The following PLCB1 variants were observed in gnomAD, a reference collection of about 807,000 sequenced individuals.
PLCB1 encodes the protein 1-phosphatidylinositol 4,5-bisphosphate phosphodiesterase beta-1.
PLCB1 carries 46 observed loss-of-function variants against 161.8 expected under a neutral mutation model. That is an observed-to-expected ratio of 0.28 (90% CI 0.22 to 0.36). The LOEUF is 0.36. Among genes scored for constraint, PLCB1 ranks in the 10% least tolerant of loss-of-function variants. The probability of loss-of-function intolerance (pLI) is 1.00; values close to 1 mark genes in which losing one functional copy is unlikely to be tolerated. For synonymous variants in PLCB1, 517 were observed against 503.7 expected, an observed-to-expected ratio of 1.03 and a Z score of -0.35; for missense variants, 1,016 against 1,472.5, an observed-to-expected ratio of 0.69 and a Z score of 5.07.
At chr20:8,587,762 T>G (rs561247389) in intron 3 of PLCB1, among the ~76,000 whole-genome samples, 1 of 152,186 alleles carries the variant, frequency 6.6e-6, no homozygotes, top group East Asian at 1.9e-4. Context: ...TATAGCATAT[T>G]AAGTAAATCC....
At chr20:8,610,328 A>G (rs1987871234) in intron 3 of PLCB1, among the ~76,000 whole-genome samples, 1 of 151,142 alleles carries the variant, frequency 6.6e-6, no homozygotes, top group African/African-American at 2.5e-5. Flanking sequence ...ATTGCTGTTA[A>G]TTGTCAAATA....
chr20:8,511,368 TTAAC>T (rs1236305563), intron 3 of PLCB1, among the ~76,000 whole-genome samples: 4 of 152,190 alleles, frequency 2.6e-5, no homozygotes, highest in Non-Finnish European at 5.9e-5. Flanking sequence ...TATCCATTCA[TTAAC>T]TGATGAATGG....
chr20:8,151,087 C>A (rs1156979396), intron 2 of PLCB1, among the ~76,000 whole-genome samples: 1 of 152,072 alleles, frequency 6.6e-6, no homozygotes, highest in East Asian at 1.9e-4. Flanking sequence ...AGCATCGTTG[C>A]CACAGTCCTA....
chr20:8,308,056 AC>A (rs2123331923), intron 2 of PLCB1, among the ~76,000 whole-genome samples: 1 of 152,182 alleles, frequency 6.6e-6, no homozygotes, highest in South Asian at 2.1e-4. Flanking sequence ...TGAACTTTTT[AC>A]TTGAGTCAAA....
intron 27 of PLCB1, among the ~76,000 whole-genome samples, chr20:8,777,571 T>C (rs764196310): frequency 2.0e-5 from 3 of 151,788 alleles, no homozygotes; most frequent in Non-Finnish European, 2.9e-5. Flanking sequence ...ATACAAAAAT[T>C]AGCCAGGCAT....
intron 3 of PLCB1, among the ~76,000 whole-genome samples, chr20:8,564,916 G>A (rs1424419281): frequency 1.3e-5 from 2 of 152,158 alleles, no homozygotes; most frequent in African/African-American, 2.4e-5. Flanking sequence ...AACCATTGTG[G>A]AAGACAGTGT....
At chr20:8,656,155 G>C (rs144262904) in intron 7 of PLCB1, among the ~76,000 whole-genome samples, 8 of 151,996 alleles carry the variant, frequency 5.3e-5, no homozygotes, top group African/African-American at 9.6e-5. Context: ...TGTATTGTTC[G>C]GTTGTCTCAA....
At chr20:8,787,273 T>A (rs1231063326) in intron 27 of PLCB1, among the ~76,000 whole-genome samples, 1 of 151,972 alleles carries the variant, frequency 6.6e-6, no homozygotes, top group Non-Finnish European at 1.5e-5. Flanking sequence ...GGAAGAGGAG[T>A]GGCCAGGCTC....
At chr20:8,155,918 T>A (rs2051554974) in intron 2 of PLCB1, among the ~76,000 whole-genome samples, 1 of 152,188 alleles carries the variant, frequency 6.6e-6, no homozygotes. Context: ...GGGCTGGGAT[T>A]GTTCCTTGGC....
rs199634903 is a variant in PLCB1, at chr20:8,482,092, A to ATTTTTTTTTTTTTTTTTTTT, written c.246+110653_246+110672dup. ...TTCAATTTATTTTGTGCTTGAAGGA[A>ATTTTTTTTTTTTTTTTTTTT]TTTTTTTTTTTTTTTTTTTTTTTTT... On this transcript the variant is annotated intron_variant, in intron 3 of 31. Coordinates refer to ENST00000338037, the MANE Select transcript of PLCB1 (RefSeq NM_015192.4). Among the ~76,000 whole-genome samples the ATTTTTTTTTTTTTTTTTTTT allele has an allele frequency of 5.7e-5, 6 of 104,882 alleles. 1 individual carries two copies. The highest frequency in any genetic ancestry group is 3.3e-4 in the South Asian group (1 of 3,066). 68.8% of individuals were successfully genotyped at this position (104,882 alleles called of 152,430 possible).
intron 3 of PLCB1, among the ~76,000 whole-genome samples, chr20:8,438,632 A>G (rs1165906696): frequency 6.6e-6 from 1 of 152,178 alleles, no homozygotes; most frequent in Non-Finnish European, 1.5e-5. Context: ...TCTTAGCCAC[A>G]ATGTCTAGGG....
intron 3 of PLCB1, among the ~76,000 whole-genome samples, chr20:8,397,090 C>T (rs1256178962): frequency 1.3e-5 from 2 of 151,960 alleles, no homozygotes; most frequent in Non-Finnish European, 2.9e-5. Context: ...TCCTCATTTC[C>T]TCTTCTTTCA....
At position 8,132,632 on chromosome 20, in the gene PLCB1, C is replaced by A. The variant is rs374950042; in HGVS notation, c.-20C>A. 2.2e-5 allele frequency: 35 copies of A among 1,583,072 alleles called. No homozygotes were observed. Among genetic ancestry groups the A allele is most frequent in the Non-Finnish European group, 3.0e-5 (35 of 1,160,852 alleles). ...CCCTGCCGCGCTCGCCCGGGCCGCCCGGAGCCCAGATGAGCCCAGATGGCC... is the reference window on the plus strand; with the variant it reads ...CCCTGCCGCGCTCGCCCGGGCCGCCAGGAGCCCAGATGAGCCCAGATGGCC... On this transcript the variant is annotated 5_prime_UTR_variant, in exon 1 of 32. Transcript: ENST00000338037. The surrounding 1 kb of genome is among the most constrained non-coding windows in gnomAD (Gnocchi z 5.2).
intron 3 of PLCB1, among the ~76,000 whole-genome samples, chr20:8,406,811 T>C (rs1978807533): frequency 6.6e-6 from 1 of 152,198 alleles, no homozygotes; most frequent in Non-Finnish European, 1.5e-5. Context: ...AGGGATCAAC[T>C]TACCTGGGCT....
intron 3 of PLCB1, among the ~76,000 whole-genome samples, chr20:8,544,764 G>A (rs1304815125): frequency 6.6e-6 from 1 of 152,178 alleles, no homozygotes; most frequent in Non-Finnish European, 1.5e-5. Flanking sequence ...TACATATGCT[G>A]AAGTTTTCCC....
chr20:8,721,134 C>T (rs1007234973), intron 14 of PLCB1, among the ~76,000 whole-genome samples: 1 of 152,286 alleles, frequency 6.6e-6, no homozygotes, highest in Non-Finnish European at 1.5e-5. Flanking sequence ...TCACTACTGT[C>T]ATTCAGTAAT....
intron 3 of PLCB1, among the ~76,000 whole-genome samples, chr20:8,614,512 T>C (rs1015546089): frequency 6.6e-6 from 1 of 152,018 alleles, no homozygotes; most frequent in African/African-American, 2.4e-5. Context: ...TTTATAAATA[T>C]TTTATCAGTA....
At chr20:8,577,328 C>A (rs2123067929) in intron 3 of PLCB1, among the ~76,000 whole-genome samples, 1 of 150,952 alleles carries the variant, frequency 6.6e-6, no homozygotes, top group Middle Eastern at 3.4e-3. Flanking sequence ...ATCCCAGCTA[C>A]TCCGGAGGCT....
intron 2 of PLCB1, among the ~76,000 whole-genome samples, chr20:8,258,557 A>G (rs1981538754): frequency 6.6e-6 from 1 of 152,182 alleles, no homozygotes; most frequent in South Asian, 2.1e-4. Flanking sequence ...AAAGTGCTAG[A>G]CCTTAAAAAT....
Sources: allele counts gnomAD v4.1 joint callset (sites outside exome capture counted in the v4.1 genomes callset), GRCh38; gene constraint gnomAD v4.1.1; non-coding constraint Gnocchi (gnomAD v3.1); transcripts MANE v1.5; gene names NCBI Gene and HGNC (gene_info 2026-07-23, HGNC 2026-07-21).